Variants in DLGAP2 observed in about 807,000 individuals in gnomAD.
DLGAP2 encodes the protein disks large-associated protein 2.
DLGAP2 carries 26 observed loss-of-function variants against 100.3 expected under a neutral mutation model. The ratio of observed to expected loss-of-function variants is 0.26; its 90% confidence interval spans 0.19 to 0.36. DLGAP2 has a LOEUF of 0.36. DLGAP2 is among the 10% of genes least tolerant of loss of function. The pLI, the probability that DLGAP2 is intolerant of heterozygous loss-of-function variation, is 1.00. For missense variants in DLGAP2, 1,858 were observed against 1,453.2 expected (o/e 1.28, Z -4.53); for synonymous variants, 886 against 630.1 (o/e 1.41, Z -6.08).
chr8:1,201,799 C>G (rs1054393136), intron 2 of DLGAP2, among the ~76,000 whole-genome samples: 1 of 152,182 alleles, frequency 6.6e-6, no homozygotes, highest in Admixed American at 6.5e-5. Flanking sequence ...CACAGCGGTG[C>G]CTCTGTGTAC....
chr8:759,781 C>T lies in DLGAP2; in HGVS notation c.18+21956C>T, dbSNP rs140698725. Reference sequence around the variant, plus strand: ...CATTAAGTATTTACTACCTCTTCCCCTCTCTCGATAGAATTGAAACGTTGC... The same window carrying T: ...CATTAAGTATTTACTACCTCTTCCCTTCTCTCGATAGAATTGAAACGTTGC... On this transcript the variant is annotated intron_variant, in intron 1 of 14. Coordinates refer to ENST00000637795, the MANE Select transcript of DLGAP2 (RefSeq NM_001346810.2). 1.5e-3 allele frequency among the ~76,000 whole-genome samples: 234 copies of T among 152,342 alleles called. 1 individual carries two copies. The highest frequency in any genetic ancestry group is 2.9e-4 in the Non-Finnish European group (20 of 68,032).
chr8:1,304,521 C>T (rs1028423951), intron 3 of DLGAP2, among the ~76,000 whole-genome samples: 2 of 152,170 alleles, frequency 1.3e-5, no homozygotes, highest in Non-Finnish European at 2.9e-5. Context: ...AGTGATGATT[C>T]ATGTTGTTAA....
intron 4 of DLGAP2, among the ~76,000 whole-genome samples, chr8:1,502,595 T>C (rs114398444): frequency 0.012 from 1,878 of 152,306 alleles, 39 homozygotes; most frequent in African/African-American, 0.043. Context: ...TTTCGACTTC[T>C]CATTAGGAAG....
At chr8:1,037,653 A>T (rs1447855456) in intron 2 of DLGAP2, among the ~76,000 whole-genome samples, 3 of 152,254 alleles carry the variant, frequency 2.0e-5, no homozygotes, top group African/African-American at 7.2e-5. Context: ...TTTAGTGAGC[A>T]GTGGCTCTGC....
chr8:1,050,727 C>T (rs761846426), intron 2 of DLGAP2, among the ~76,000 whole-genome samples: 2 of 152,196 alleles, frequency 1.3e-5, no homozygotes. Flanking sequence ...TTTAAAGTAT[C>T]TTCTCCTTAA....
At chr8:796,958 G>A (rs1796048482) in intron 1 of DLGAP2, among the ~76,000 whole-genome samples, 1 of 152,164 alleles carries the variant, frequency 6.6e-6, no homozygotes, top group Admixed American at 6.5e-5. Context: ...AGGATCAAAC[G>A]ACAAGCCTTC....
chr8:1,160,917 G>A (rs112801021), intron 2 of DLGAP2, among the ~76,000 whole-genome samples: 1,751 of 152,304 alleles, frequency 0.011, 18 homozygotes, highest in Non-Finnish European at 0.018. Flanking sequence ...CGTCATCTGG[G>A]TTTTTCACCT....
At chr8:1,480,165 C>G (rs952805490) in intron 3 of DLGAP2, among the ~76,000 whole-genome samples, 1 of 152,182 alleles carries the variant, frequency 6.6e-6, no homozygotes, top group Non-Finnish European at 1.5e-5. Flanking sequence ...ACCACTGTAC[C>G]GAACATCCCC....
At chr8:1,364,465 G>A (rs143247219) in intron 3 of DLGAP2, among the ~76,000 whole-genome samples, 202 of 150,712 alleles carry the variant, frequency 1.3e-3, no homozygotes, top group African/African-American at 4.6e-3. Flanking sequence ...AAAGGGCACC[G>A]CTGCGAGAGG....
At chr8:906,049 TG>T (rs555650138) in intron 1 of DLGAP2, among the ~76,000 whole-genome samples, 1 of 152,346 alleles carries the variant, frequency 6.6e-6, no homozygotes, top group African/African-American at 2.4e-5. Flanking sequence ...CCGTCGGTGC[TG>T]GGGATGCCGG....
At chr8:1,186,276 G>A (rs1161445024) in intron 2 of DLGAP2, among the ~76,000 whole-genome samples, 1 of 152,242 alleles carries the variant, frequency 6.6e-6, no homozygotes, top group Admixed American at 6.5e-5. Flanking sequence ...GAGCATCTGC[G>A]AACCTTGGGG....
At position 796,369 on chromosome 8, in the gene DLGAP2, G is replaced by A. The variant is rs376680031; in HGVS notation, c.18+58544G>A. 6.6e-5 allele frequency among the ~76,000 whole-genome samples: 10 copies of A among 152,196 alleles called. No homozygotes were observed. The East Asian group carries it at 1.4e-3, about 21-fold the overall frequency. Reference sequence around the variant, plus strand: ...TCTGTCACGGCCCCTCCGAGACTCCGAACTGACTTCTGCCTTTCACGGTAC... The same window carrying A: ...TCTGTCACGGCCCCTCCGAGACTCCAAACTGACTTCTGCCTTTCACGGTAC... On this transcript the variant is annotated intron_variant, in intron 1 of 14. Coordinates refer to ENST00000637795, the MANE Select transcript of DLGAP2 (RefSeq NM_001346810.2).
At chr8:1,517,481 C>G (rs1800434722) in intron 4 of DLGAP2, among the ~76,000 whole-genome samples, 1 of 152,168 alleles carries the variant, frequency 6.6e-6, no homozygotes, top group Non-Finnish European at 1.5e-5. Flanking sequence ...GCCTCCCACC[C>G]TGGCCTCGTT....
Position 1,075,914 on chromosome 8 carries a change from A to AG in DLGAP2, c.73+167948_73+167949insG, listed in dbSNP as rs1392293227. ...AGACCTCATCTCAAAAAAAATAAAA[A>AG]CAAAAAAAAAGAAAAAAGACCCGAA... is the stretch of plus-strand genomic sequence containing the variant. On this transcript the variant is annotated intron_variant, in intron 2 of 14. Coordinates refer to ENST00000637795, the MANE Select transcript of DLGAP2 (RefSeq NM_001346810.2). Among the ~76,000 whole-genome samples the AG allele has an allele frequency of 4.4e-3, 653 of 148,592 alleles. 6 individuals are homozygous for AG. The highest frequency in any genetic ancestry group is 5.2e-3 in the Non-Finnish European group (352 of 67,428).
At chr8:1,113,177 A>T (rs1020864708) in intron 2 of DLGAP2, among the ~76,000 whole-genome samples, 6 of 151,896 alleles carry the variant, frequency 4.0e-5, no homozygotes, top group African/African-American at 1.2e-4. Flanking sequence ...ATGGCCTTGG[A>T]TATTTGGGCT....
intron 1 of DLGAP2, among the ~76,000 whole-genome samples, chr8:815,894 G>A (rs1796467403): frequency 6.6e-6 from 1 of 152,160 alleles, no homozygotes; most frequent in Non-Finnish European, 1.5e-5. Context: ...GAGCTTCAGT[G>A]TTAGTTACAT....
intron 2 of DLGAP2, among the ~76,000 whole-genome samples, chr8:1,112,665 T>C (rs1489072867): frequency 1.3e-5 from 2 of 152,214 alleles, no homozygotes. Flanking sequence ...ATTCTAGTAG[T>C]TTGTCTGTTC....
chr8:928,704 G>C (rs1281613457), intron 2 of DLGAP2, among the ~76,000 whole-genome samples: 1 of 152,142 alleles, frequency 6.6e-6, no homozygotes, highest in African/African-American at 2.4e-5. Context: ...TCAGGCGCAA[G>C]GTGTCCACAT....
At chr8:1,364,004 C>T (rs1267413317) in intron 3 of DLGAP2, among the ~76,000 whole-genome samples, 3 of 152,208 alleles carry the variant, frequency 2.0e-5, no homozygotes, top group Non-Finnish European at 4.4e-5. Flanking sequence ...CTGTCAGGTG[C>T]ACCAGGTGGT....
Sources: gnomAD v4.1 joint callset for allele counts (sites outside exome capture counted in the v4.1 genomes callset) on GRCh38, gnomAD v4.1.1 for gene constraint, MANE v1.5 for transcripts, NCBI Gene and HGNC (gene_info 2026-07-23, HGNC 2026-07-21) for gene names.